EMID1: variants seen among roughly 807,000 people sequenced by gnomAD.
EMID1 encodes EMI domain containing 1.
EMID1 carries 40 observed loss-of-function variants against 60.6 expected under a neutral mutation model. That is an observed-to-expected ratio of 0.66 (90% CI 0.51 to 0.86). EMID1 has a LOEUF of 0.86. Ranked by LOEUF, EMID1 falls within the 40% of genes least tolerant of loss-of-function variation. EMID1 has a pLI of 0.00. For missense variants in EMID1, 585 were observed against 597.1 expected (o/e 0.98, Z 0.21); for synonymous variants, 242 against 231.0 (o/e 1.05, Z -0.43).
intron 14 of EMID1, chr22:29,255,663 A>C (rs1215776216): frequency 3.7e-6 from 1 of 269,792 alleles, no homozygotes; most frequent in Non-Finnish European, 6.9e-6. Flanking sequence ...ACTGGTAGAG[A>C]AACCCAGGTG....
chr22:29,228,918 G>A (rs12166306), intron 5 of EMID1, among the ~76,000 whole-genome samples: 4 of 152,056 alleles, frequency 2.6e-5, no homozygotes, highest in Non-Finnish European at 4.4e-5. Flanking sequence ...GAGATTATCA[G>A]ATGCAAAAAT....
chr22:29,252,651 C>G (rs1374200760), intron 13 of EMID1, among the ~76,000 whole-genome samples: 1 of 152,090 alleles, frequency 6.6e-6, no homozygotes, highest in Non-Finnish European at 1.5e-5. Context: ...TGGCATGAGC[C>G]CTGGGTAGCA....
chr22:29,226,408 A>G (rs2040510966), intron 4 of EMID1, 82 bp from the exon 5 acceptor site: 1 of 1,494,212 alleles, frequency 6.7e-7, no homozygotes, highest in East Asian at 2.4e-5. Flanking sequence ...GCTTTCCTCC[A>G]TCCCAACCCC....
At chr22:29,222,014 G>A (rs2040316792) in intron 3 of EMID1, among the ~76,000 whole-genome samples, 4 of 152,136 alleles carry the variant, frequency 2.6e-5, no homozygotes, top group Admixed American at 2.6e-4. Context: ...GAGAAACGCT[G>A]AAAACAAACT....
intron 12 of EMID1, among the ~76,000 whole-genome samples, chr22:29,238,839 T>G (rs1258365157): frequency 5.6e-5 from 8 of 142,534 alleles, no homozygotes; most frequent in Non-Finnish European, 1.2e-4. Flanking sequence ...ATTACAGGTG[T>G]GAGCCACTGC....
chr22:29,226,865 T>C (rs1458472600), intron 5 of EMID1, among the ~76,000 whole-genome samples: 1 of 152,084 alleles, frequency 6.6e-6, no homozygotes, highest in Non-Finnish European at 1.5e-5. Context: ...CCTGGCCTGT[T>C]CTTCCTCCAG....
intron 13 of EMID1, among the ~76,000 whole-genome samples, chr22:29,247,545 A>G (rs769497422): frequency 2.0e-4 from 30 of 152,264 alleles, no homozygotes; most frequent in Non-Finnish European, 3.7e-4. Flanking sequence ...TAAATATTGC[A>G]GGCAACTGCA....
intron 13 of EMID1, among the ~76,000 whole-genome samples, chr22:29,253,069 G>T (rs774954455): frequency 6.6e-6 from 1 of 152,188 alleles, no homozygotes; most frequent in African/African-American, 2.4e-5. Flanking sequence ...ACAATTGTGC[G>T]AAAGCAATAT....
chr22:29,211,747 AGAGCTTCC>A (rs1230885083), intron 1 of EMID1, among the ~76,000 whole-genome samples: 1 of 152,206 alleles, frequency 6.6e-6, no homozygotes, highest in Non-Finnish European at 1.5e-5. Flanking sequence ...TCCTGTCTCC[AGAGCTTCC>A]GACTGTCCTC....
At chr22:29,224,336 A>C (rs9608740) in intron 3 of EMID1, among the ~76,000 whole-genome samples, 33,431 of 152,208 alleles carry the variant, frequency 0.22, 3,809 homozygotes, top group South Asian at 0.3. Flanking sequence ...TGAGGGGGGC[A>C]GTTGCCAGTG....
intron 1 of EMID1, among the ~76,000 whole-genome samples, chr22:29,209,390 C>T (rs978086028): frequency 5.3e-5 from 8 of 152,166 alleles, no homozygotes; most frequent in Non-Finnish European, 1.0e-4. Context: ...ACCAACCCCA[C>T]TGCCCAGCCT....
chr22:29,218,089 C>T (rs2040151614), intron 3 of EMID1, among the ~76,000 whole-genome samples: 1 of 152,224 alleles, frequency 6.6e-6, no homozygotes, highest in Non-Finnish European at 1.5e-5. Context: ...CTGGAAGTCA[C>T]CCAGCATGAA....
chr22:29,242,941 C>T (rs2041202327), intron 12 of EMID1, among the ~76,000 whole-genome samples: 1 of 152,210 alleles, frequency 6.6e-6, no homozygotes, highest in South Asian at 2.1e-4. Context: ...TCTGTTGGTT[C>T]TCCCCCTCTG....
intron 1 of EMID1, among the ~76,000 whole-genome samples, chr22:29,206,405 C>G (rs941571638): frequency 3.3e-5 from 5 of 152,250 alleles, no homozygotes; most frequent in Non-Finnish European, 7.3e-5. Context: ...AGGGCGAAGC[C>G]CTGGCCCTTC....
Position 29,237,647 on chromosome 22 carries a change from A to C in EMID1, c.1074+3298A>C, listed in dbSNP as rs1001733638. ...CCCCGTCTCTACTAAAAATACAAAAAAAATGTAGCTGGGCGTGCTGGCAGG... is the reference window on the plus strand; with the variant it reads ...CCCCGTCTCTACTAAAAATACAAAACAAATGTAGCTGGGCGTGCTGGCAGG... On this transcript the variant is annotated intron_variant, in intron 12 of 14. Transcript: ENST00000334018. 6.3e-5 allele frequency among the ~76,000 whole-genome samples: 9 copies of C among 143,834 alleles called. 1 individual carries two copies. The highest frequency in any genetic ancestry group is 1.3e-4 in the Non-Finnish European group (9 of 66,880). The allele number at this position is 143,834 out of a possible 152,430, so 94.4% of individuals were successfully genotyped here. A position where few individuals can be genotyped will look rare whatever the true frequency, so the allele number is the denominator to read the frequency against.
In EMID1 at chr22:29,215,578, C is replaced by T. The variant is rs143360764; in HGVS notation, c.267C>T (p.Thr89=). The stretch of plus-strand genomic sequence containing the variant: ...ACAAGGTGATGTACAAGATAGTGAC[C>T]GCCCGTGAGTGGAGGTGCTGCCCTG... ...PTYKVMYKIV[T]AREWRCCPGH... Residue 89 remains threonine (T), a synonymous_variant, in exon 3 of 15, where the codon ACC becomes ACT. Coordinates refer to ENST00000334018, the MANE Select transcript of EMID1 (RefSeq NM_133455.4). 9.0e-5 allele frequency: 146 copies of T among 1,614,100 alleles called. 2 individuals carry two copies. In the South Asian group the frequency reaches 9.1e-4, roughly 10 times the overall value.
intron 8 of EMID1, chr22:29,232,662 A>G: frequency 2.2e-6 from 1 of 447,952 alleles, no homozygotes; most frequent in Non-Finnish European, 3.9e-6. Context: ...TGCCTCCAGA[A>G]CCTGTGCTTA....
intron 1 of EMID1, among the ~76,000 whole-genome samples, chr22:29,211,576 A>G (rs184090467): frequency 6.6e-6 from 1 of 151,434 alleles, no homozygotes; most frequent in East Asian, 2.0e-4. Context: ...GTGTGTACAT[A>G]TGCCTGTGTG....
chr22:29,232,460 G>A, intron 8 of EMID1, 58 bp downstream of exon 8: 1 of 1,472,016 alleles, frequency 6.8e-7, no homozygotes, highest in African/African-American at 1.4e-5. Flanking sequence ...CATCAGCACA[G>A]TGCCCGCTAC....
Sources: gnomAD v4.1 joint callset for allele counts (sites outside exome capture counted in the v4.1 genomes callset) on GRCh38, gnomAD v4.1.1 for gene constraint, MANE v1.5 for transcripts, NCBI Gene and HGNC (gene_info 2026-07-23, HGNC 2026-07-21) for gene names.